The following WNT9B variants were observed in gnomAD, a reference collection of about 807,000 sequenced individuals.
The protein encoded by WNT9B is Wnt family member 9B.
WNT9B carries 12 observed loss-of-function variants against 30.2 expected under a neutral mutation model. That is an observed-to-expected ratio of 0.40 (90% CI 0.26 to 0.64). WNT9B has a LOEUF of 0.64. Among genes scored for constraint, WNT9B ranks in the 30% least tolerant of loss-of-function variants. The probability of loss-of-function intolerance (pLI) is 0.42; values close to 1 mark genes in which losing one functional copy is unlikely to be tolerated. For synonymous variants in WNT9B, 218 were observed against 216.9 expected (o/e 1.01, Z -0.05); for missense variants, 442 against 485.2 (o/e 0.91, Z 0.84).
intron 1 of WNT9B, among the ~76,000 whole-genome samples, chr17:46,862,018 C>G (rs2085045814): frequency 6.6e-6 from 1 of 151,914 alleles, no homozygotes; most frequent in Non-Finnish European, 1.5e-5. Flanking sequence ...ACAAAAATAG[C>G]TGGGCGTGGT....
At chr17:46,836,024 C>T (rs1253200399) in intron 1 of WNT9B, among the ~76,000 whole-genome samples, 2 of 151,110 alleles carry the variant, frequency 1.3e-5, no homozygotes, top group African/African-American at 4.9e-5. Flanking sequence ...CTGGATGGGG[C>T]CTGCGAGGAT....
At chr17:46,884,385 C>A (rs1171396226), downstream of WNT9B, among the ~76,000 whole-genome samples, 1 of 152,202 alleles carries the variant, frequency 6.6e-6, no homozygotes, top group Non-Finnish European at 1.5e-5. Context: ...CCACACCCAG[C>A]CCCCTCTCCA....
At chr17:46,870,138 A>G (rs1426235870) in intron 1 of WNT9B, among the ~76,000 whole-genome samples, 1 of 152,196 alleles carries the variant, frequency 6.6e-6, no homozygotes, top group African/African-American at 2.4e-5. Flanking sequence ...CAAAATTTCC[A>G]TCACTCCCTG....
At chr17:46,840,046 T>C (rs1359651393) in intron 1 of WNT9B, among the ~76,000 whole-genome samples, 5 of 148,452 alleles carry the variant, frequency 3.4e-5, no homozygotes, top group African/African-American at 7.5e-5. Context: ...CTTTCTTTCT[T>C]TCTCTCTCTC....
At chr17:46,858,239 A>C (rs2084972803) in intron 1 of WNT9B, among the ~76,000 whole-genome samples, 1 of 152,106 alleles carries the variant, frequency 6.6e-6, no homozygotes, top group Non-Finnish European at 1.5e-5. Flanking sequence ...AGTTCTTTAT[A>C]TATTTTGGAT....
In WNT9B at chr17:46,878,993, C is replaced by T. The variant is rs1366954262; in HGVS notation, c.*2275C>T. ...TCCAGTTACCCCTGAAGACCCACCT[C>T]GGCCCTCTTGGGGCCCCTGGGGACT... is the stretch of plus-strand genomic sequence containing the variant. On this transcript the variant is annotated 3_prime_UTR_variant, in exon 4 of 4. Coordinates refer to ENST00000290015, the MANE Select transcript of WNT9B (RefSeq NM_003396.3). Among the ~76,000 whole-genome samples the T allele has an allele frequency of 6.6e-6, 1 of 152,196 alleles. No homozygotes were observed. The highest frequency in any genetic ancestry group is 1.5e-5 in the Non-Finnish European group (1 of 68,046).
In WNT9B at chr17:46,876,732, C is replaced by A. The variant is rs755285243; in HGVS notation, c.*14C>A. The A allele has an allele frequency of 4.6e-5, 70 of 1,517,174 alleles. No individual in the cohort carries two copies. The East Asian group carries it at 5.1e-4, about 11-fold the overall frequency. The allele number at this position is 1,517,174 out of a possible 1,614,324, so 94.0% of individuals were successfully genotyped here. ...TGCAAGCACTAGGCCTACTGCCCAGCAAGCCAGTCTGGCACTGCCAGGACC... is the reference window on the plus strand; with the variant it reads ...TGCAAGCACTAGGCCTACTGCCCAGAAAGCCAGTCTGGCACTGCCAGGACC... On this transcript the variant is annotated 3_prime_UTR_variant, in exon 4 of 4. Transcript: ENST00000290015.
At position 46,879,332 on chromosome 17, in the gene WNT9B, G is replaced by C. The variant is rs1039211929; in HGVS notation, c.*2614G>C. On this transcript the variant is annotated 3_prime_UTR_variant, in exon 4 of 4. Transcript: ENST00000290015. Reference sequence around the variant, plus strand: ...CATGACTGGGTCTGTCTCGGAGCTGGTAAGCACATGTCCGCTCTGTGATGA... The same window carrying C: ...CATGACTGGGTCTGTCTCGGAGCTGCTAAGCACATGTCCGCTCTGTGATGA... Among the ~76,000 whole-genome samples, 2 of 152,110 alleles carry C rather than the reference G, an allele frequency of 1.3e-5. No individual in the cohort carries two copies. The highest frequency in any genetic ancestry group is 2.9e-5 in the Non-Finnish European group (2 of 68,030).
At chr17:46,840,307 C>T (rs539543820) in intron 1 of WNT9B, among the ~76,000 whole-genome samples, 2 of 152,090 alleles carry the variant, frequency 1.3e-5, no homozygotes, top group Non-Finnish European at 2.9e-5. Flanking sequence ...AGGATGGTCT[C>T]GATCTCCTGA....
chr17:46,852,389 A>AGTGTGTGTGTGTGTGT (rs61138160), intron 1 of WNT9B, among the ~76,000 whole-genome samples: 7 of 105,378 alleles, frequency 6.6e-5, no homozygotes, highest in South Asian at 7.8e-4. Flanking sequence ...GAGAGGGCCC[A>AGTGTGTGTGTGTGTGT]GTGTGTGTGT....
intron 1 of WNT9B, among the ~76,000 whole-genome samples, chr17:46,836,132 G>C (rs1393721015): frequency 6.7e-6 from 1 of 149,786 alleles, no homozygotes; most frequent in Non-Finnish European, 1.5e-5. Context: ...GTGTGTGTGT[G>C]TGTCTCGGTT....
At chr17:46,872,914 A>C in intron 2 of WNT9B, 141 bp downstream of exon 2, 3 of 1,070,528 alleles carry the variant, frequency 2.8e-6, no homozygotes, top group South Asian at 1.8e-5. Flanking sequence ...ACGGTCCCAA[A>C]TGAGAAGAGT....
At chr17:46,866,221 C>T (rs373933356) in intron 1 of WNT9B, among the ~76,000 whole-genome samples, 17 of 152,160 alleles carry the variant, frequency 1.1e-4, no homozygotes, top group Middle Eastern at 6.8e-3. Flanking sequence ...GTTGAGCAGC[C>T]ACCCTCAAAA....
downstream of WNT9B, among the ~76,000 whole-genome samples, chr17:46,880,668 C>G (rs1319298201): frequency 6.6e-6 from 1 of 152,190 alleles, no homozygotes; most frequent in Non-Finnish European, 1.5e-5. Flanking sequence ...TTGCAACTGG[C>G]AGGCAGTGGG....
chr17:46,875,449 C>T lies in WNT9B; in HGVS notation c.600+83C>T, dbSNP rs976097271. The stretch of plus-strand genomic sequence containing the variant: ...CATGGCTTGAAGGAGGCCAGCACCC[C>T]ACTCCCCAAAATACATGAAGAGCCG... On this transcript the variant is annotated intron_variant, in intron 3 of 3. Coordinates refer to ENST00000290015, the MANE Select transcript of WNT9B (RefSeq NM_003396.3). The T allele has an allele frequency of 2.7e-6, 4 of 1,455,210 alleles. No individual in the cohort carries two copies. The African/African-American group carries it at 5.7e-5, about 21-fold the overall frequency. The allele number at this position is 1,455,210 out of a possible 1,614,324, so 90.1% of individuals were successfully genotyped here. A position where few individuals can be genotyped will look rare whatever the true frequency, so the allele number is the denominator to read the frequency against.
chr17:46,837,791 G>T (rs889582307), intron 1 of WNT9B, among the ~76,000 whole-genome samples: 12 of 152,202 alleles, frequency 7.9e-5, no homozygotes, highest in Non-Finnish European at 1.2e-4. Context: ...TGCCTTCAGG[G>T]CTGATATGCA....
intron 1 of WNT9B, among the ~76,000 whole-genome samples, chr17:46,856,965 A>G (rs529882847): frequency 6.6e-6 from 1 of 152,280 alleles, no homozygotes; most frequent in Non-Finnish European, 1.5e-5. Context: ...GCTTTCAGTC[A>G]CTATGTGTTA....
chr17:46,872,649 G>T lies in WNT9B; in HGVS notation c.210G>T (p.Arg70Ser). The T allele has an allele frequency of 6.2e-7, 1 of 1,613,658 alleles. No homozygotes were observed. Among genetic ancestry groups the T allele is most frequent in the Non-Finnish European group, 8.5e-7 (1 of 1,179,988 alleles). ...LSRRQKQLCR[R>S]EPGLAETLRD... Reference sequence around the variant, plus strand: ...GGCGGCAGAAGCAGCTCTGCCGGAGGGAGCCCGGCCTGGCTGAGACCCTGA... The same window carrying T: ...GGCGGCAGAAGCAGCTCTGCCGGAGTGAGCCCGGCCTGGCTGAGACCCTGA... Residue 70 changes from arginine (R) to serine (S), a missense_variant, in exon 2 of 4, where the codon AGG becomes AGT. Physicochemically the swap from Arg to Ser is moderately radical, Grantham distance 110. Transcript: ENST00000290015.
chr17:46,860,945 A>G (rs1242369094), intron 1 of WNT9B, among the ~76,000 whole-genome samples: 1 of 152,062 alleles, frequency 6.6e-6, no homozygotes, highest in Non-Finnish European at 1.5e-5. Context: ...GGCAGCCTTG[A>G]ACTCCTGACC....
Sources: gnomAD v4.1 joint callset for allele counts (sites outside exome capture counted in the v4.1 genomes callset) on GRCh38, gnomAD v4.1.1 for gene constraint, MANE v1.5 for transcripts, NCBI Gene and HGNC (gene_info 2026-07-23, HGNC 2026-07-21) for gene names.